MAD1L1: variants seen among roughly 807,000 people sequenced by gnomAD.
The protein encoded by MAD1L1 is mitotic spindle assembly checkpoint protein MAD1.
Under a neutral mutation model 96.9 loss-of-function variants are expected in MAD1L1, and 95 were observed. The ratio of observed to expected loss-of-function variants is 0.98; its 90% CI spans 0.83 to 1.16. MAD1L1 has a LOEUF of 1.16. Ranked by LOEUF, MAD1L1 falls within the 50% of genes most tolerant of loss-of-function variation. The probability of loss-of-function intolerance (pLI) is 0.00; values close to 1 mark genes in which losing one functional copy is unlikely to be tolerated. For synonymous variants in MAD1L1, 473 were observed against 396.6 expected, an observed-to-expected ratio of 1.19 and a Z score of -2.29; for missense variants, 1,007 against 954.4, an observed-to-expected ratio of 1.06 and a Z score of -0.73.
chr7:2,155,926 A>T (rs1432953464), intron 10 of MAD1L1, among the ~76,000 whole-genome samples: 1 of 152,172 alleles, frequency 6.6e-6, no homozygotes, highest in African/African-American at 2.4e-5. Context: ...CATAGTTTTT[A>T]ATTTAAAAAA....
chr7:2,098,343 G>A lies in MAD1L1; in HGVS notation c.1074-29005C>T, dbSNP rs538845326. ...ATGAGGCCTGCGCAGCACACGCCAC[G>A]GGGACCCAGGTGCTCAGTCCAGACA... On this transcript the variant is annotated intron_variant, in intron 11 of 18. Coordinates refer to ENST00000265854, the MANE Select transcript of MAD1L1 (RefSeq NM_001013836.2). 1.0e-3 allele frequency among the ~76,000 whole-genome samples: 158 copies of A among 152,304 alleles called. 1 individual carries two copies. Among genetic ancestry groups the A allele is most frequent in the African/African-American group, 3.6e-3 (151 of 41,568 alleles).
rs3778958 is a variant in MAD1L1, at chr7:2,088,160, G to A, written c.1074-18822C>T. On this transcript the variant is annotated intron_variant, in intron 11 of 18. Coordinates refer to ENST00000265854, the MANE Select transcript of MAD1L1 (RefSeq NM_001013836.2). The surrounding 1 kb of genome is among the most constrained non-coding windows in gnomAD (Gnocchi z 4.4). ...TGGAAATATGGGGGCCCACGTGCAT[G>A]GCCACAGAACAGTGGACGAGGTCGG... is the stretch of plus-strand genomic sequence containing the variant. Among the ~76,000 whole-genome samples the A allele has an allele frequency of 0.053, 8,114 of 152,218 alleles. 388 individuals carry two copies. Among genetic ancestry groups the A allele is most frequent in the African/African-American group, 0.12 (5,074 of 41,490 alleles).
At chr7:1,868,783 C>T (rs1443806450) in intron 18 of MAD1L1, among the ~76,000 whole-genome samples, 4 of 152,182 alleles carry the variant, frequency 2.6e-5, no homozygotes, top group South Asian at 2.1e-4. Context: ...ACCAGGGGAA[C>T]GCCCAGAAGA....
intron 18 of MAD1L1, among the ~76,000 whole-genome samples, chr7:1,852,188 G>T (rs1784014014): frequency 6.6e-6 from 1 of 152,230 alleles, no homozygotes; most frequent in African/African-American, 2.4e-5. Context: ...AGGTTGGGAT[G>T]GACGTGACCC....
Position 2,014,650 on chromosome 7 carries a change from C to T in MAD1L1, c.1219-8G>A. 6.2e-7 allele frequency: 1 copy of T among 1,605,042 alleles called. No homozygotes were observed. Among genetic ancestry groups the T allele is most frequent in the Non-Finnish European group, 8.5e-7 (1 of 1,175,476 alleles). On this transcript the variant is annotated splice_polypyrimidine_tract_variant and splice_region_variant and intron_variant, in intron 12 of 18. Transcript: ENST00000265854. ...CCGCATACCGTCCCGCTCCTGTGGA[C>T]ACAGAGGGCAGCTGATCAGGACCCG... is the stretch of plus-strand genomic sequence containing the variant.
chr7:2,199,285 A>T (rs1164000947), intron 10 of MAD1L1, among the ~76,000 whole-genome samples: 1 of 152,238 alleles, frequency 6.6e-6, no homozygotes, highest in Admixed American at 6.5e-5. Context: ...ATATGGACTA[A>T]GGAATGGAAT....
At chr7:2,139,021 C>A (rs948718309) in intron 11 of MAD1L1, among the ~76,000 whole-genome samples, 1 of 152,132 alleles carries the variant, frequency 6.6e-6, no homozygotes, top group African/African-American at 2.4e-5. Flanking sequence ...GGCCCAAGGT[C>A]CCAGCAGGAC....
chr7:1,920,753 T>C (rs1263391535), intron 17 of MAD1L1, among the ~76,000 whole-genome samples: 1 of 152,204 alleles, frequency 6.6e-6, no homozygotes, highest in Non-Finnish European at 1.5e-5. Flanking sequence ...AGGTGACGGA[T>C]ACCCCAAATA....
intron 10 of MAD1L1, among the ~76,000 whole-genome samples, chr7:2,173,758 G>A (rs1245519671): frequency 1.3e-5 from 2 of 152,122 alleles, no homozygotes; most frequent in Non-Finnish European, 2.9e-5. Context: ...CTCTTCCTTA[G>A]TACAATGCAC....
rs144503311 is a variant in MAD1L1, at chr7:1,865,052, G to A, written c.1998+33148C>T. On this transcript the variant is annotated intron_variant, in intron 18 of 18. Transcript: ENST00000265854. ...TCCCCACCTCACGCCCACTGACCACGCTCTCACTTGTCTAGTGACACCCTT... is the reference window on the plus strand; with the variant it reads ...TCCCCACCTCACGCCCACTGACCACACTCTCACTTGTCTAGTGACACCCTT... Among the ~76,000 whole-genome samples the A allele has an allele frequency of 2.0e-5, 3 of 152,154 alleles. No homozygotes were observed. In the East Asian group the frequency reaches 5.8e-4, roughly 29 times the overall value.
chr7:2,230,993 T>C (rs933292597), intron 1 of MAD1L1, among the ~76,000 whole-genome samples: 3 of 152,324 alleles, frequency 2.0e-5, no homozygotes, highest in African/African-American at 7.2e-5. Context: ...TGCCTGAAAC[T>C]ACCTACCAGG....
At chr7:1,843,656 C>G (rs1221728856) in intron 18 of MAD1L1, among the ~76,000 whole-genome samples, 2 of 152,200 alleles carry the variant, frequency 1.3e-5, no homozygotes, top group Non-Finnish European at 2.9e-5. Flanking sequence ...ACGAAGGAGT[C>G]AGAAACCAAG....
At chr7:2,191,480 C>T (rs1024461000) in intron 10 of MAD1L1, among the ~76,000 whole-genome samples, 3 of 152,138 alleles carry the variant, frequency 2.0e-5, no homozygotes, top group Non-Finnish European at 4.4e-5. Flanking sequence ...CCTGTAATCC[C>T]ACCATTTTGG....
In MAD1L1 at chr7:1,852,616, C is replaced by T. The variant is rs536264393; in HGVS notation, c.1999-36388G>A. Among the ~76,000 whole-genome samples, 6 of 152,316 alleles carry T rather than the reference C, an allele frequency of 3.9e-5. No individual in the cohort carries two copies. The East Asian group carries it at 7.7e-4, about 20-fold the overall frequency. Reference sequence around the variant, plus strand: ...TGAGTGGTATGAAGTATAACAGCCCCAGGTGTTTATTTCCAAAGAGACTTT... The same window carrying T: ...TGAGTGGTATGAAGTATAACAGCCCTAGGTGTTTATTTCCAAAGAGACTTT... On this transcript the variant is annotated intron_variant, in intron 18 of 18. Transcript: ENST00000265854.
chr7:2,144,415 C>T (rs1335978730), intron 11 of MAD1L1, among the ~76,000 whole-genome samples: 1 of 152,178 alleles, frequency 6.6e-6, no homozygotes, highest in African/African-American at 2.4e-5. Context: ...CAGCCCTCTC[C>T]AAAGCACGGT....
chr7:1,942,281 A>C (rs368133425), intron 16 of MAD1L1, among the ~76,000 whole-genome samples: 14 of 152,272 alleles, frequency 9.2e-5, no homozygotes, highest in African/African-American at 3.4e-4. Context: ...CTCCAGAAGG[A>C]GGCCACGCCT....
rs1483962208 is a variant in MAD1L1 at position 1,830,477 on chromosome 7, G to C, written c.1999-14249C>G. Among the ~76,000 whole-genome samples the C allele has an allele frequency of 2.0e-5, 3 of 152,252 alleles. No homozygotes were observed. The East Asian group carries it at 5.8e-4, about 29-fold the overall frequency. ...ACAGCTCTACTCCTTCCATGAATGAGGGGTGGGAGCTGCATGGGCAGACAT... is the reference window on the plus strand; with the variant it reads ...ACAGCTCTACTCCTTCCATGAATGACGGGTGGGAGCTGCATGGGCAGACAT... On this transcript the variant is annotated intron_variant, in intron 18 of 18. Coordinates refer to ENST00000265854, the MANE Select transcript of MAD1L1 (RefSeq NM_001013836.2).
At chr7:1,920,490 G>T (rs1788716200) in intron 17 of MAD1L1, among the ~76,000 whole-genome samples, 1 of 152,210 alleles carries the variant, frequency 6.6e-6, no homozygotes, top group South Asian at 2.1e-4. Flanking sequence ...CCCGCTGCAC[G>T]CTCTCACCCA....
At position 2,146,585 on chromosome 7, in the gene MAD1L1, G is replaced by A. The variant is rs1197725847; in HGVS notation, c.1073+2567C>T. On this transcript the variant is annotated intron_variant, in intron 11 of 18. Coordinates refer to ENST00000265854, the MANE Select transcript of MAD1L1 (RefSeq NM_001013836.2). The surrounding 1 kb of genome is among the most constrained non-coding windows in gnomAD (Gnocchi z 6.2). ...CCGCACAGACGAGGGAAAATGCCCA[G>A]CAGCTGCTCTCATGACCCGTGACCT... Among the ~76,000 whole-genome samples the A allele has an allele frequency of 6.6e-6, 1 of 152,228 alleles. No individual in the cohort carries two copies. The highest frequency in any genetic ancestry group is 2.4e-5 in the African/African-American group (1 of 41,452).
Sources: allele counts gnomAD v4.1 joint callset (sites outside exome capture counted in the v4.1 genomes callset), GRCh38; gene constraint gnomAD v4.1.1; non-coding constraint Gnocchi (gnomAD v3.1); transcripts MANE v1.5; gene names NCBI Gene and HGNC (gene_info 2026-07-23, HGNC 2026-07-21).